The following KHNYN variants were observed in gnomAD, a reference collection of about 807,000 sequenced individuals.
KHNYN encodes KH and NYN domain containing.
Under a neutral mutation model 62.7 loss-of-function variants are expected in KHNYN, and 42 were observed. The observed-to-expected ratio is 0.67, with a 90% CI of 0.52 to 0.87. KHNYN has a LOEUF of 0.87. Ranked by LOEUF, KHNYN falls within the 40% of genes least tolerant of loss-of-function variation. KHNYN has a pLI of 0.00. For synonymous variants in KHNYN, 347 were observed against 345.6 expected (o/e 1.00, Z -0.04); for missense variants, 829 against 874.1 (o/e 0.95, Z 0.65).
chr14:24,430,114 G>A lies in KHNYN; in HGVS notation c.-23G>A. On this transcript the variant is annotated 5_prime_UTR_variant, in exon 1 of 8. Coordinates refer to ENST00000553935, the MANE Select transcript of KHNYN (RefSeq NM_015299.3). ...GGACCTGAAGCCGGCGCGGGCGGCG[G>A]AGGCGGTAGGCGCGCCCCTCCACCG... 1.0e-6 allele frequency: 1 copy of A among 985,224 alleles called. No individual in the cohort carries two copies. 61.0% of individuals were successfully genotyped at this position (985,224 alleles called of 1,614,324 possible).
upstream of KHNYN, chr14:24,428,974 C>CA: frequency 6.4e-7 from 1 of 1,551,054 alleles, no homozygotes; most frequent in South Asian, 1.2e-5. Context: ...ACCCGGCCCC[C>CA]AGGGCCAGAA....
intron 6 of KHNYN, 81 bp from the exon 7 acceptor site, chr14:24,436,307 C>T: frequency 4.2e-6 from 6 of 1,435,312 alleles, no homozygotes; most frequent in Non-Finnish European, 5.9e-6. Context: ...GAGCCAGCAG[C>T]TTCTGGTGAT....
Position 24,431,623 on chromosome 14 carries a change from T to A in KHNYN, c.362T>A (p.Ile121Asn). 6.2e-7 allele frequency: 1 copy of A among 1,613,644 alleles called. No individual in the cohort carries two copies. The highest frequency in any genetic ancestry group is 8.5e-7 in the Non-Finnish European group (1 of 1,179,716). ...LVPRAPGSLM[I>N]SGLTEAFVMA... ...CCCAGGGCGCCAGGCTCACTGATGATCAGTGGCCTGACTGAAGCCTTTGTC... is the reference window on the plus strand; with the variant it reads ...CCCAGGGCGCCAGGCTCACTGATGAACAGTGGCCTGACTGAAGCCTTTGTC... The change falls in exon 3 of 8, where the codon ATC becomes AAC. Residue 121 changes from isoleucine (I) to asparagine (N), a missense_variant. Coordinates refer to ENST00000553935, the MANE Select transcript of KHNYN (RefSeq NM_015299.3).
chr14:24,428,289 G>A, upstream of KHNYN: 1 of 1,613,774 alleles, frequency 6.2e-7, no homozygotes, highest in African/African-American at 1.3e-5. Flanking sequence ...AGGTCACCTG[G>A]ACAGTTTGGC....
chr14:24,428,484 G>C (rs952469310), upstream of KHNYN: 6 of 1,533,350 alleles, frequency 3.9e-6, no homozygotes, highest in African/African-American at 6.8e-5. Context: ...AGGGGCAGGG[G>C]CAGTGAGTAA....
In KHNYN at chr14:24,431,911, T is replaced by C. The variant is rs1182739503; in HGVS notation, c.650T>C (p.Leu217Pro). ...TGGGAGGGGCGGAGCTCAGCCTTGC[T>C]GGGTGCTCAGTGCCAAGGAGTGAGA... ...ASWEGRSSAL[L>P]GAQCQGVRAP... The change falls in exon 3 of 8, where the codon CTG (leucine) becomes CCG (proline). Residue 217 changes from leucine to proline, a missense_variant. Transcript: ENST00000553935. The C allele has an allele frequency of 6.2e-7, 1 of 1,613,916 alleles. No homozygotes were observed. The highest frequency in any genetic ancestry group is 8.5e-7 in the Non-Finnish European group (1 of 1,180,004).
At chr14:24,431,055 GTC>G in intron 2 of KHNYN, 124 bp downstream of exon 2, 1 of 880,054 alleles carries the variant, frequency 1.1e-6, no homozygotes. Flanking sequence ...CTTCTTGGTT[GTC>G]TCACTGGCAA....
upstream of KHNYN, chr14:24,429,564 T>C: frequency 4.1e-6 from 2 of 489,696 alleles, no homozygotes; most frequent in Non-Finnish European, 6.9e-6. Context: ...AAGAAAGGGG[T>C]ACTCCACCAC....
chr14:24,428,953 C>G (rs1279433327), upstream of KHNYN: 1 of 1,552,670 alleles, frequency 6.4e-7, no homozygotes. Flanking sequence ...GCTCTGACCC[C>G]TCCTGGGCCC....
In KHNYN at chr14:24,439,669, G is replaced by A. The variant is rs966493; in HGVS notation, c.*2384G>A. 124,953 of 157,504 alleles carry A rather than the reference G, an allele frequency of 0.79. 51,826 individuals carry two copies. Among genetic ancestry groups the A allele is most frequent in the Non-Finnish European group, 0.9 (65,066 of 72,042 alleles). The allele number at this position is 157,504 out of a possible 1,614,324, so 9.8% of individuals were successfully genotyped here. On this transcript the variant is annotated 3_prime_UTR_variant, in exon 8 of 8. Coordinates refer to ENST00000553935, the MANE Select transcript of KHNYN (RefSeq NM_015299.3). ...ACGGTGATGAGAGAGACTGCTCATT[G>A]TAACTTTCAAAACCCCGTCTTTGGG...
At position 24,440,078 on chromosome 14, in the gene KHNYN, C is replaced by T. The variant is rs1313228120; in HGVS notation, c.*2793C>T. 7 of 1,586,110 alleles carry T rather than the reference C, an allele frequency of 4.4e-6. No individual in the cohort carries two copies. Among genetic ancestry groups the T allele is most frequent in the African/African-American group, 1.3e-5 (1 of 74,504 alleles). ...AACAGGCCTCAGGCCCTTGCCACGA[C>T]CTACTTAGGCTACAATTTCCTTTAA... On this transcript the variant is annotated 3_prime_UTR_variant, in exon 8 of 8. Transcript: ENST00000553935.
chr14:24,440,662 T>G lies in KHNYN; in HGVS notation c.*3377T>G. Reference sequence around the variant, plus strand: ...ACCTCACACCTTCTCATCTGCAGGTTGGCTAGAAGTGGTGGCATCCTCTCA... The same window carrying G: ...ACCTCACACCTTCTCATCTGCAGGTGGGCTAGAAGTGGTGGCATCCTCTCA... On this transcript the variant is annotated 3_prime_UTR_variant, in exon 8 of 8. Transcript: ENST00000553935. The G allele has an allele frequency of 7.2e-7, 1 of 1,385,606 alleles. No individual in the cohort carries two copies. Among genetic ancestry groups the G allele is most frequent in the Non-Finnish European group, 1.0e-6 (1 of 998,246 alleles). The allele number at this position is 1,385,606 out of a possible 1,614,324, so 85.8% of individuals were successfully genotyped here. A position where few individuals can be genotyped will look rare whatever the true frequency, so the allele number is the denominator to read the frequency against.
chr14:24,435,689 GGACT>G, intron 5 of KHNYN: 1 of 247,686 alleles, frequency 4.0e-6, no homozygotes, highest in South Asian at 5.6e-5. Context: ...GTTGGGTGAA[GGACT>G]ATGGTTGGCA....
At chr14:24,424,381 C>T (rs947186917), upstream of KHNYN, among the ~76,000 whole-genome samples, 1 of 152,182 alleles carries the variant, frequency 6.6e-6, no homozygotes, top group Non-Finnish European at 1.5e-5. Flanking sequence ...ATACGTTTTC[C>T]ATGCAGTGGT....
At chr14:24,430,577 T>C in intron 1 of KHNYN, 137 bp from the exon 2 acceptor site, 7 of 1,439,392 alleles carry the variant, frequency 4.9e-6, no homozygotes, top group Non-Finnish European at 5.5e-6. Flanking sequence ...TCCAGTGGAC[T>C]CAGATGCTTG....
chr14:24,435,856 C>A, intron 5 of KHNYN: 1 of 573,996 alleles, frequency 1.7e-6, no homozygotes, highest in Non-Finnish European at 3.1e-6. Flanking sequence ...GACAGTAAAA[C>A]TTCTGGGGTT....
upstream of KHNYN, chr14:24,429,803 AGC>A (rs1437200947): frequency 9.2e-7 from 1 of 1,082,376 alleles, no homozygotes; most frequent in Non-Finnish European, 1.1e-6. Flanking sequence ...GCTGGTGAGA[AGC>A]GCAAGGGGCG....
rs755625895 is a variant in KHNYN at position 24,436,278 on chromosome 14, G to A, written c.1685+99G>A. 535 of 1,436,192 alleles carry A rather than the reference G, an allele frequency of 3.7e-4. 1 individual carries two copies. Among genetic ancestry groups the A allele is most frequent in the Non-Finnish European group, 5.0e-4 (515 of 1,023,172 alleles). 89.0% of individuals were successfully genotyped at this position (1,436,192 alleles called of 1,614,324 possible). ...GGGGTGAAAACTCTGGGAAGGAGGT[G>A]AAGTTTTCTTGAAGGATGGAGCCAG... On this transcript the variant is annotated intron_variant, in intron 6 of 7. Coordinates refer to ENST00000553935, the MANE Select transcript of KHNYN (RefSeq NM_015299.3).
chr14:24,432,646 G>C lies in KHNYN; in HGVS notation c.1349+36G>C. On this transcript the variant is annotated intron_variant, in intron 3 of 7. Coordinates refer to ENST00000553935, the MANE Select transcript of KHNYN (RefSeq NM_015299.3). This position sits in a 1 kb window ranked among gnomAD's most constrained non-coding sequence, Gnocchi z 5.6. The stretch of plus-strand genomic sequence containing the variant: ...GGTGGGGCTAAGGGCCTAGGAGAGG[G>C]AGGATATGTCCTGAGGGGCTGGCAT... The C allele has an allele frequency of 6.2e-7, 1 of 1,610,876 alleles. No individual in the cohort carries two copies. The highest frequency in any genetic ancestry group is 8.5e-7 in the Non-Finnish European group (1 of 1,177,676).
Sources: gnomAD v4.1 joint callset for allele counts (sites outside exome capture counted in the v4.1 genomes callset) on GRCh38, gnomAD v4.1.1 for gene constraint, Gnocchi (gnomAD v3.1) non-coding constraint, MANE v1.5 for transcripts, NCBI Gene and HGNC (gene_info 2026-07-23, HGNC 2026-07-21) for gene names.